The following TMEM131L variants were observed in gnomAD, a reference collection of about 807,000 sequenced individuals.
TMEM131L encodes transmembrane protein 131-like.
A neutral mutation model predicts 192.2 loss-of-function variants in TMEM131L; 54 were observed. The ratio of observed to expected loss-of-function variants is 0.28; its 90% CI spans 0.23 to 0.35. The LOEUF is 0.35. Ranked by LOEUF, TMEM131L falls within the 10% of genes least tolerant of loss-of-function variation. The pLI is 1.00. For missense variants in TMEM131L, 1,888 were observed against 1,972.9 expected (o/e 0.96, Z 0.82); for synonymous variants, 701 against 704.9 (o/e 0.99, Z 0.09).
intron 21 of TMEM131L, among the ~76,000 whole-genome samples, chr4:153,601,731 T>C (rs890776908): frequency 7.2e-5 from 11 of 152,222 alleles, no homozygotes; most frequent in Admixed American, 1.3e-4. Flanking sequence ...GAAGCACTTA[T>C]ACATCCTCTT....
chr4:153,486,993 T>A (rs1264474139), intron 3 of TMEM131L, among the ~76,000 whole-genome samples: 1 of 152,184 alleles, frequency 6.6e-6, no homozygotes, highest in Non-Finnish European at 1.5e-5. Flanking sequence ...TCCAGGGACC[T>A]AAATCAGCAT....
intron 5 of TMEM131L, among the ~76,000 whole-genome samples, chr4:153,556,171 G>T (rs1242688868): frequency 6.6e-6 from 1 of 152,108 alleles, no homozygotes; most frequent in Non-Finnish European, 1.5e-5. Context: ...GTGTAGTAAT[G>T]TATGTATATT....
intron 29 of TMEM131L, 138 bp from the exon 30 acceptor site, chr4:153,626,008 TA>T (rs894182662): frequency 8.5e-6 from 5 of 588,918 alleles, no homozygotes; most frequent in African/African-American, 7.5e-5. Context: ...AATGTTTAAT[TA>T]AAAAATGTGA....
chr4:153,479,019 C>G (rs1486826552), intron 3 of TMEM131L, among the ~76,000 whole-genome samples: 1 of 152,162 alleles, frequency 6.6e-6, no homozygotes, highest in Non-Finnish European at 1.5e-5. Flanking sequence ...ACAGTCTTAG[C>G]ATGTTCCCCA....
chr4:153,587,537 G>A (rs1318164401), intron 14 of TMEM131L, among the ~76,000 whole-genome samples: 1 of 152,116 alleles, frequency 6.6e-6, no homozygotes, highest in Non-Finnish European at 1.5e-5. Context: ...TATTGTGCCT[G>A]CAGAAGCCAC....
chr4:153,467,330 A>C, intron 2 of TMEM131L, 49 bp downstream of exon 2: 1 of 1,483,350 alleles, frequency 6.7e-7, no homozygotes, highest in Non-Finnish European at 9.2e-7. Context: ...GAGGGAGGAG[A>C]GGCGGGGAGG....
At chr4:153,468,365 C>G (rs1215738477) in intron 2 of TMEM131L, among the ~76,000 whole-genome samples, 1 of 150,488 alleles carries the variant, frequency 6.6e-6, no homozygotes, top group Non-Finnish European at 1.5e-5. Context: ...TGAGACAGGT[C>G]TTTTGAGAAA....
rs1399842594 is a variant in TMEM131L, at chr4:153,473,963, T to C, written c.239+75T>C. On this transcript the variant is annotated intron_variant, in intron 3 of 34. Transcript: ENST00000409959. ...CTTTGGGTGCTCTCTGAAGTCTCAG[T>C]ATATGTCCATGTTTATGTATTTAGT... The C allele has an allele frequency of 4.2e-6, 4 of 954,294 alleles. No homozygotes were observed. In the East Asian group the frequency reaches 8.1e-5, roughly 19 times the overall value. 59.1% of individuals were successfully genotyped at this position (954,294 alleles called of 1,614,324 possible).
At chr4:153,520,470 G>C (rs1299161643) in intron 3 of TMEM131L, among the ~76,000 whole-genome samples, 1 of 152,056 alleles carries the variant, frequency 6.6e-6, no homozygotes, top group Non-Finnish European at 1.5e-5. Flanking sequence ...TCCTGTCTCT[G>C]ATAGATAAAT....
intron 25 of TMEM131L, 112 bp downstream of exon 25, chr4:153,604,542 C>A: frequency 9.1e-7 from 1 of 1,096,776 alleles, no homozygotes; most frequent in Non-Finnish European, 1.3e-6. Context: ...TGAGTTTTAG[C>A]AAAGGTTTAA....
intron 5 of TMEM131L, 108 bp from the exon 6 acceptor site, chr4:153,556,858 C>G (rs1728499198): frequency 1.6e-6 from 1 of 632,276 alleles, no homozygotes. Context: ...TAAGGGTGCA[C>G]AATATACAAA....
At chr4:153,618,736 T>C (rs1024703306) in intron 26 of TMEM131L, among the ~76,000 whole-genome samples, 2 of 152,124 alleles carry the variant, frequency 1.3e-5, no homozygotes, top group African/African-American at 4.8e-5. Flanking sequence ...CATGTGACTC[T>C]TCAGTTTCCT....
In TMEM131L at chr4:153,596,277, C is replaced by T; in HGVS notation, c.2015C>T (p.Ser672Phe). The T allele has an allele frequency of 6.2e-7, 1 of 1,613,888 alleles. No homozygotes were observed. The highest frequency in any genetic ancestry group is 8.5e-7 in the Non-Finnish European group (1 of 1,179,832). ...TTGCAGGGTACGCATTCTGAGGAAT[C>T]CAGGTTTGGCATCCTCCACTTACAT... ...CPYLGTHSEE[S>F]RFGILHLHLQ... is the part of the protein sequence containing the mutation. Residue 672 changes from serine (S) to phenylalanine (F), a missense_variant, in exon 20 of 35, where the codon TCC becomes TTC. Coordinates refer to ENST00000409959, the MANE Select transcript of TMEM131L (RefSeq NM_001131007.2).
intron 18 of TMEM131L, among the ~76,000 whole-genome samples, chr4:153,593,269 G>T (rs80331567): frequency 0.062 from 9,483 of 152,048 alleles, 411 homozygotes; most frequent in Non-Finnish European, 0.091. Context: ...CTCAGCTTTC[G>T]CAGTATTGGT....
intron 19 of TMEM131L, among the ~76,000 whole-genome samples, chr4:153,595,706 T>A (rs1407466705): frequency 7.2e-6 from 1 of 138,458 alleles, no homozygotes; most frequent in African/African-American, 2.7e-5. Context: ...AGAGCACAAG[T>A]TTTATGCCAA....
chr4:153,607,956 A>G (rs1013294035), intron 25 of TMEM131L, among the ~76,000 whole-genome samples: 8 of 152,170 alleles, frequency 5.3e-5, no homozygotes, highest in Non-Finnish European at 1.0e-4. Context: ...TATGTATAGT[A>G]GCCAAATGTA....
chr4:153,612,277 G>C lies in TMEM131L; in HGVS notation c.3444G>C (p.Lys1148Asn), dbSNP rs369298933. ...GGAATAACCAGCAAGTACCTGTCAA[G>C]AATGAAGTAGATCATTGTGAAAATT... ...NNGNNQQVPVKNEVDHCENLK... is the reference protein window; with the variant it reads ...NNGNNQQVPVNNEVDHCENLK... The change falls in exon 26 of 35, where the codon AAG becomes AAC. Residue 1148 changes from lysine (K) to asparagine (N), a missense_variant. Coordinates refer to ENST00000409959, the MANE Select transcript of TMEM131L (RefSeq NM_001131007.2). 1 of 1,575,134 alleles carries C rather than the reference G, an allele frequency of 6.3e-7. No individual in the cohort carries two copies. Among genetic ancestry groups the C allele is most frequent in the Non-Finnish European group, 8.6e-7 (1 of 1,166,472 alleles).
At chr4:153,538,112 G>A (rs1736480847) in intron 3 of TMEM131L, among the ~76,000 whole-genome samples, 2 of 152,202 alleles carry the variant, frequency 1.3e-5, no homozygotes, top group South Asian at 4.1e-4. Context: ...TCTTCAAAGA[G>A]TAGGATAATT....
intron 3 of TMEM131L, among the ~76,000 whole-genome samples, chr4:153,546,842 G>A (rs1325190035): frequency 1.3e-5 from 2 of 152,216 alleles, no homozygotes; most frequent in Non-Finnish European, 2.9e-5. Flanking sequence ...CAGGGGAATC[G>A]CTTGAACCCG....
Sources: gnomAD v4.1 joint callset for allele counts (sites outside exome capture counted in the v4.1 genomes callset) on GRCh38, gnomAD v4.1.1 for gene constraint, MANE v1.5 for transcripts, NCBI Gene and HGNC (gene_info 2026-07-23, HGNC 2026-07-21) for gene names.